TRPM3: variants seen among roughly 807,000 people sequenced by gnomAD.
The protein encoded by TRPM3 is long transient receptor potential channel 3.
In TRPM3, 77 loss-of-function variants were observed where a neutral mutation model predicts 181.2. The observed-to-expected ratio is 0.42, with a 90% CI of 0.35 to 0.51. TRPM3 has a LOEUF of 0.51. Among genes scored for constraint, TRPM3 ranks in the 20% least tolerant of loss-of-function variants. The pLI is 0.01. For synonymous variants in TRPM3, 745 were observed against 796.4 expected (o/e 0.94, Z 1.09); for missense variants, 1,759 against 2,196.7 (o/e 0.80, Z 3.98).
intron 1 of TRPM3, among the ~76,000 whole-genome samples, chr9:71,242,296 AG>A (rs1163123478): frequency 6.6e-6 from 1 of 152,172 alleles, no homozygotes; most frequent in Non-Finnish European, 1.5e-5. Context: ...CATGATCTAC[AG>A]GGGGCAGAGT....
chr9:70,772,981 A>G (rs192154748), intron 7 of TRPM3, among the ~76,000 whole-genome samples: 1 of 152,332 alleles, frequency 6.6e-6, no homozygotes, highest in African/African-American at 2.4e-5. Context: ...GGACCCATAT[A>G]AAAGACAGAA....
intron 1 of TRPM3, among the ~76,000 whole-genome samples, chr9:71,199,481 C>T (rs1029633160): frequency 1.1e-4 from 16 of 151,934 alleles, no homozygotes; most frequent in East Asian, 5.8e-4. Flanking sequence ...TGGTAGAATT[C>T]GGCTGTGAAT....
chr9:70,665,039 A>G (rs2061657810), intron 9 of TRPM3, among the ~76,000 whole-genome samples: 1 of 152,118 alleles, frequency 6.6e-6, no homozygotes, highest in Admixed American at 6.5e-5. Context: ...CAGGCTGCTG[A>G]TAGAATTGTA....
intron 1 of TRPM3, among the ~76,000 whole-genome samples, chr9:71,279,508 T>C (rs1263385061): frequency 1.3e-5 from 2 of 152,204 alleles, no homozygotes; most frequent in Admixed American, 6.5e-5. Context: ...GTTTTTACCA[T>C]GCACATGTGT....
Position 70,621,286 on chromosome 9 carries a change from A to C in TRPM3, c.1810-13T>G. 2.5e-6 allele frequency: 4 copies of C among 1,599,560 alleles called. No individual in the cohort carries two copies. The highest frequency in any genetic ancestry group is 2.6e-6 in the Non-Finnish European group (3 of 1,172,160). On this transcript the variant is annotated splice_polypyrimidine_tract_variant and intron_variant, in intron 14 of 25. Transcript: ENST00000677713. ...TCAAGGCTTTGGGCTGTTAAAAAAA[A>C]CGTTGTGAACAAAGTTAGATCAGTT...
At chr9:70,651,463 G>T (rs143637871) in intron 9 of TRPM3, among the ~76,000 whole-genome samples, 1 of 152,080 alleles carries the variant, frequency 6.6e-6, no homozygotes, top group East Asian at 1.9e-4. Flanking sequence ...CTTATCTGAC[G>T]TGGCCCACTG....
chr9:71,330,807 G>A (rs1398322063), intron 1 of TRPM3, among the ~76,000 whole-genome samples: 1 of 151,756 alleles, frequency 6.6e-6, no homozygotes, highest in Non-Finnish European at 1.5e-5. Context: ...ACAGATACAG[G>A]AGGCAGAACC....
At chr9:70,786,196 G>A (rs1001119394) in intron 6 of TRPM3, among the ~76,000 whole-genome samples, 1 of 151,610 alleles carries the variant, frequency 6.6e-6, no homozygotes, top group Admixed American at 6.6e-5. Flanking sequence ...CAGGCACAGT[G>A]GCTCATGCCT....
chr9:71,258,380 A>G lies in TRPM3; in HGVS notation c.183+188273T>C, dbSNP rs541997371. 3.0e-4 allele frequency among the ~76,000 whole-genome samples: 46 copies of G among 152,338 alleles called. No individual in the cohort carries two copies. The South Asian group carries it at 9.1e-3, about 30-fold the overall frequency. ...GGCCATACTTCCTTTGCACTTGTTCAGCAGTGAGCCTTCAAGCTAAAGTCC... is the reference window on the plus strand; with the variant it reads ...GGCCATACTTCCTTTGCACTTGTTCGGCAGTGAGCCTTCAAGCTAAAGTCC... On this transcript the variant is annotated intron_variant, in intron 1 of 24. Coordinates refer to the TRPM3 transcript ENST00000357533.
intron 1 of TRPM3, among the ~76,000 whole-genome samples, chr9:71,414,836 C>T (rs918179707): frequency 3.4e-4 from 52 of 151,958 alleles, no homozygotes; most frequent in African/African-American, 1.2e-3. Flanking sequence ...GTAGGAAAGA[C>T]CATATGTGCT....
chr9:70,754,320 C>T (rs1319652691), intron 8 of TRPM3, among the ~76,000 whole-genome samples: 1 of 152,158 alleles, frequency 6.6e-6, no homozygotes, highest in Non-Finnish European at 1.5e-5. Flanking sequence ...TGATCTGTGA[C>T]ATCTGTTCCC....
At chr9:70,855,254 T>C (rs572243958) in intron 3 of TRPM3, among the ~76,000 whole-genome samples, 5 of 152,266 alleles carry the variant, frequency 3.3e-5, no homozygotes, top group Admixed American at 2.6e-4. Flanking sequence ...AAAGGCTGAT[T>C]GGTGGGTGGG....
intron 1 of TRPM3, among the ~76,000 whole-genome samples, chr9:71,160,576 A>G (rs868133859): frequency 6.6e-6 from 1 of 152,130 alleles, no homozygotes; most frequent in Non-Finnish European, 1.5e-5. Context: ...TTTGTATCTA[A>G]AATTGTCTCA....
chr9:70,559,813 T>G (rs1405897137), intron 22 of TRPM3, among the ~76,000 whole-genome samples: 1 of 152,130 alleles, frequency 6.6e-6, no homozygotes, highest in Non-Finnish European at 1.5e-5. Flanking sequence ...ACCTCACAGT[T>G]GCCCAGGAAC....
intron 1 of TRPM3, among the ~76,000 whole-genome samples, chr9:71,145,119 G>C (rs1324921081): frequency 1.3e-5 from 2 of 152,052 alleles, no homozygotes; most frequent in Non-Finnish European, 2.9e-5. Flanking sequence ...ATTATTCTTA[G>C]AGAAACTAGA....
At position 70,534,228 on chromosome 9, in the gene TRPM3, A is replaced by G. The variant is rs987432064; in HGVS notation, c.*1725T>C. 6.6e-6 allele frequency: 1 copy of G among 152,252 alleles called. No homozygotes were observed. The highest frequency in any genetic ancestry group is 2.4e-5 in the African/African-American group (1 of 41,472). 9.4% of individuals were successfully genotyped at this position (152,252 alleles called of 1,614,324 possible). On this transcript the variant is annotated 3_prime_UTR_variant, in exon 26 of 26. Transcript: ENST00000677713. ...TGTACGTGGTGTAAAAACTTTGTTT[A>G]GGAAAAGCGAGACTAAATGAGATGT...
chr9:70,672,999 G>C (rs2063276988), intron 9 of TRPM3, among the ~76,000 whole-genome samples: 1 of 152,112 alleles, frequency 6.6e-6, no homozygotes, highest in Non-Finnish European at 1.5e-5. Flanking sequence ...TAAAGCCAGG[G>C]AATCTTGTAT....
At chr9:71,121,143 C>G (rs1587476714) in intron 1 of TRPM3, 35 bp downstream of exon 1, 1 of 1,599,252 alleles carries the variant, frequency 6.3e-7, no homozygotes, top group Non-Finnish European at 8.5e-7. Flanking sequence ...CTAAAAAGCA[C>G]AATTAGCGCC....
chr9:70,750,146 G>A (rs1485818065), intron 8 of TRPM3, among the ~76,000 whole-genome samples: 1 of 152,168 alleles, frequency 6.6e-6, no homozygotes, highest in Non-Finnish European at 1.5e-5. Context: ...GCATTTTTCT[G>A]TTGAAAATCA....
Sources: allele counts gnomAD v4.1 joint callset (sites outside exome capture counted in the v4.1 genomes callset), GRCh38; gene constraint gnomAD v4.1.1; transcripts MANE v1.5; gene names NCBI Gene and HGNC (gene_info 2026-07-23, HGNC 2026-07-21).